Variants in SLC9A6 observed in about 807,000 individuals in gnomAD.
SLC9A6 encodes sodium/hydrogen exchanger 6.
In SLC9A6, 6 loss-of-function variants were observed where a neutral mutation model predicts 45.3. The ratio of observed to expected loss-of-function variants is 0.13; its 90% CI spans 0.07 to 0.26. SLC9A6 has a LOEUF of 0.26. Ranked by LOEUF, SLC9A6 falls within the 10% of genes least tolerant of loss-of-function variation. The pLI, the probability that SLC9A6 is intolerant of heterozygous loss-of-function variation, is 1.00. For synonymous variants in SLC9A6, 191 were observed against 187.7 expected, an observed-to-expected ratio of 1.02 and a Z score of -0.14; for missense variants, 278 against 503.7, an observed-to-expected ratio of 0.55 and a Z score of 4.29.
At chrX:136,017,616 C>T (rs2071044668) in intron 11 of SLC9A6, among the ~76,000 whole-genome samples, 1 of 111,197 alleles carries the variant, frequency 9.0e-6, no homozygotes, top group South Asian at 3.8e-4. Flanking sequence ...GAAATGAAGG[C>T]ACATTTGTAA....
rs782785947 is a variant in SLC9A6 at position 135,977,205 on chromosome X, GCT to G, written c.-57+2423_-57+2424del. Among the ~76,000 whole-genome samples, 30 of 112,222 alleles carry G rather than the reference GCT, an allele frequency of 2.7e-4. No individual in the cohort carries two copies. The East Asian group carries it at 7.2e-3, about 27-fold the overall frequency. On this transcript the variant is annotated intron_variant, in intron 1 of 16. Coordinates refer to the SLC9A6 transcript ENST00000636092. ...TAAATTCCTAAGTGACCCCAGAAGT[GCT>G]GTTTGTTTTTCCAAAGAAAGAGCCA...
chrX:136,010,373 C>G, intron 7 of SLC9A6, 69 bp from the exon 8 acceptor site: 1 of 1,114,017 alleles, frequency 9.0e-7, no homozygotes, highest in South Asian at 1.8e-5. Flanking sequence ...CTTTCAAGCT[C>G]TATACTACAT....
chrX:135,998,412 C>T, intron 4 of SLC9A6, 70 bp from the exon 5 acceptor site: 1 of 754,094 alleles, frequency 1.3e-6, no homozygotes, highest in South Asian at 2.7e-5. Context: ...ATTAGCATAG[C>T]ATAGAAAACC....
At chrX:136,004,080 CTTTTTTTTT>C (rs782804669) in intron 7 of SLC9A6, among the ~76,000 whole-genome samples, 12 of 66,243 alleles carry the variant, frequency 1.8e-4, no homozygotes, top group African/African-American at 6.0e-5. Flanking sequence ...CCTCCCTAAT[CTTTTTTTTT>C]TTTTTTTTTT....
At chrX:136,022,283 T>G (rs2071140244) in intron 11 of SLC9A6, among the ~76,000 whole-genome samples, 1 of 112,507 alleles carries the variant, frequency 8.9e-6, no homozygotes, top group African/African-American at 3.2e-5. Context: ...TTGCTCTGTC[T>G]GATTTGGTAG....
At chrX:136,022,400 T>C (rs782234570) in intron 11 of SLC9A6, among the ~76,000 whole-genome samples, 186 bp from the exon 12 acceptor site, 2 of 111,777 alleles carry the variant, frequency 1.8e-5, no homozygotes, top group Non-Finnish European at 3.8e-5. Context: ...AATTGGACAG[T>C]TCAGATATAG....
At position 136,037,809 on chromosome X, in the gene SLC9A6, A is replaced by G. The variant is rs781834121; in HGVS notation, c.1662-2267A>G. Among the ~76,000 whole-genome samples, 6 of 112,062 alleles carry G rather than the reference A, an allele frequency of 5.4e-5. No homozygotes were observed. In the East Asian group the frequency reaches 1.4e-3, roughly 26 times the overall value. On this transcript the variant is annotated intron_variant, in intron 16 of 17. Transcript: ENST00000630721. The stretch of plus-strand genomic sequence containing the variant: ...ATGGTCTCGATCTCCTGACCTTGTG[A>G]TCTGCCCGCCTCAGCCTCCCAAAGT...
chrX:136,013,240 C>A (rs1331563613), intron 9 of SLC9A6, 109 bp from the exon 10 acceptor site: 1 of 791,205 alleles, frequency 1.3e-6, no homozygotes, highest in Non-Finnish European at 1.9e-6. Flanking sequence ...AAGTAAGTCA[C>A]AAATGAGAAT....
At chrX:136,002,876 A>G (rs782578776) in intron 7 of SLC9A6, among the ~76,000 whole-genome samples, 6 of 111,758 alleles carry the variant, frequency 5.4e-5, no homozygotes, top group Admixed American at 4.8e-4. Flanking sequence ...TTCTGAATAC[A>G]TAATATATTC....
chrX:135,982,050 A>G (rs782085574), upstream of SLC9A6, among the ~76,000 whole-genome samples: 1 of 112,395 alleles, frequency 8.9e-6, no homozygotes, highest in South Asian at 3.7e-4. Flanking sequence ...TATCACTTTC[A>G]CATGTCACAA....
At chrX:135,977,205 G>A (rs1234507015) in intron 1 of SLC9A6, among the ~76,000 whole-genome samples, 3 of 112,169 alleles carry the variant, frequency 2.7e-5, no homozygotes, top group African/African-American at 9.7e-5. Context: ...CCCCAGAAGT[G>A]CTGTTTGTTT....
Position 136,024,486 on chromosome X carries a change from A to G in SLC9A6, c.1460+3A>G, listed in dbSNP as rs2071194522. The G allele has an allele frequency of 8.3e-7, 1 of 1,199,172 alleles. No homozygotes were observed. The highest frequency in any genetic ancestry group is 1.8e-5 in the African/African-American group (1 of 56,969). On this transcript the variant is annotated splice_donor_region_variant and intron_variant, in intron 13 of 17. Coordinates refer to ENST00000630721, the MANE Select transcript of SLC9A6 (RefSeq NM_001379110.1). Reference sequence around the variant, plus strand: ...ATGCTGTCATGCTTGCATATCAGGTAAGTACTAACTAGAGACCTCATTTTA... The same window carrying G: ...ATGCTGTCATGCTTGCATATCAGGTGAGTACTAACTAGAGACCTCATTTTA...
At position 135,985,847 on chromosome X, in the gene SLC9A6, T is replaced by A. The variant is rs1556614873; in HGVS notation, c.169+20T>A. The A allele has an allele frequency of 8.3e-7, 1 of 1,209,394 alleles. No individual in the cohort carries two copies. Among genetic ancestry groups the A allele is most frequent in the East Asian group, 3.0e-5 (1 of 33,808 alleles). On this transcript the variant is annotated intron_variant, in intron 2 of 17. Coordinates refer to ENST00000630721, the MANE Select transcript of SLC9A6 (RefSeq NM_001379110.1). ...TTTATGGCAAGTTCCTCAACCCTTG[T>A]CAGCCCCTTGGCGCTGCCCCTTTCT...
intron 13 of SLC9A6, among the ~76,000 whole-genome samples, chrX:136,028,474 G>A (rs2071266158): frequency 8.9e-6 from 1 of 112,305 alleles, no homozygotes; most frequent in African/African-American, 3.2e-5. Context: ...GCCTAGTACA[G>A]TGCCTGGCAA....
intron 12 of SLC9A6, among the ~76,000 whole-genome samples, chrX:136,023,165 A>T (rs1272455401): frequency 8.4e-4 from 1 of 1,193 alleles, no homozygotes; most frequent in Non-Finnish European, 2.0e-3. Context: ...AAGAAAATGT[A>T]TATATATATA....
intron 7 of SLC9A6, among the ~76,000 whole-genome samples, chrX:136,008,798 T>C (rs918631540): frequency 8.9e-6 from 1 of 112,075 alleles, no homozygotes; most frequent in Non-Finnish European, 1.9e-5. Flanking sequence ...AGATAAAATA[T>C]CAATTGATAC....
chrX:136,025,792 A>T (rs1158268023), intron 13 of SLC9A6, among the ~76,000 whole-genome samples: 1 of 111,793 alleles, frequency 8.9e-6, no homozygotes, highest in Admixed American at 9.5e-5. Context: ...TGGCAGGCAG[A>T]GGAGCCTCCA....
chrX:135,986,103 C>G (rs1213603731), intron 2 of SLC9A6, among the ~76,000 whole-genome samples: 2 of 110,392 alleles, frequency 1.8e-5, no homozygotes, highest in Non-Finnish European at 3.8e-5. Context: ...CTTTCCCTGC[C>G]TACCAAGCTC....
At position 136,045,431 on chromosome X, in the gene SLC9A6, C is replaced by A; in HGVS notation, c.*707C>A. 1 of 112,422 alleles carries A rather than the reference C, an allele frequency of 8.9e-6. No individual in the cohort carries two copies. The highest frequency in any genetic ancestry group is 2.8e-4 in the East Asian group (1 of 3,570). 9.3% of individuals were successfully genotyped at this position (112,422 alleles called of 1,213,427 possible). On this transcript the variant is annotated 3_prime_UTR_variant, in exon 18 of 18. Coordinates refer to ENST00000630721, the MANE Select transcript of SLC9A6 (RefSeq NM_001379110.1). ...ACCAAGACCGTAGAAGGAGTCACAT[C>A]TAGCCGGCTTAGCCAAAGTACAGGT... is the stretch of plus-strand genomic sequence containing the variant.
Sources: gnomAD v4.1 joint callset for allele counts (sites outside exome capture counted in the v4.1 genomes callset) on GRCh38, gnomAD v4.1.1 for gene constraint, MANE v1.5 for transcripts, NCBI Gene and HGNC (gene_info 2026-07-23, HGNC 2026-07-21) for gene names.